The following DIAPH2 variants were observed in gnomAD, a reference collection of about 807,000 sequenced individuals.
DIAPH2 encodes the protein protein diaphanous homolog 2.
In DIAPH2, 35 loss-of-function variants were observed where a neutral mutation model predicts 92.7. That is an observed-to-expected ratio of 0.38 (90% CI 0.29 to 0.50). The LOEUF (loss-of-function observed/expected upper bound fraction) is 0.50, where lower values mean the gene tolerates loss of function less well. DIAPH2 is among the 20% of genes least tolerant of loss of function. The pLI is 0.94. For synonymous variants in DIAPH2, 301 were observed against 280.4 expected (o/e 1.07, Z -0.73); for missense variants, 701 against 819.5 (o/e 0.86, Z 1.77).
intron 26 of DIAPH2, among the ~76,000 whole-genome samples, chrX:97,590,580 A>G (rs1330868320): frequency 8.9e-6 from 1 of 112,364 alleles, no homozygotes; most frequent in Admixed American, 9.4e-5. Context: ...TATGCCACAC[A>G]TGGAGTAGAA....
chrX:97,570,137 G>A (rs6615916), intron 26 of DIAPH2, among the ~76,000 whole-genome samples: 44 of 41,278 alleles, frequency 1.1e-3, no homozygotes, highest in East Asian at 6.5e-3. Context: ...AAGATAGATA[G>A]ATAGATAGAT....
chrX:96,762,621 G>A (rs2064276063), intron 4 of DIAPH2, among the ~76,000 whole-genome samples: 1 of 109,688 alleles, frequency 9.1e-6, no homozygotes, highest in South Asian at 3.8e-4. Flanking sequence ...TACCTTAATA[G>A]TATACCTGCC....
chrX:96,819,955 T>G lies in DIAPH2; in HGVS notation c.448-61624T>G, dbSNP rs770977166. On this transcript the variant is annotated intron_variant, in intron 4 of 26. Coordinates refer to ENST00000324765, the MANE Select transcript of DIAPH2 (RefSeq NM_006729.5). Reference sequence around the variant, plus strand: ...CTCAAATTCCAATTCATTAAACTCTTAATTTTTGAGATCATTAAAAGAAAA... The same window carrying G: ...CTCAAATTCCAATTCATTAAACTCTGAATTTTTGAGATCATTAAAAGAAAA... 2.7e-5 allele frequency among the ~76,000 whole-genome samples: 3 copies of G among 111,838 alleles called. No individual in the cohort carries two copies. In the East Asian group the frequency reaches 8.4e-4, roughly 31 times the overall value.
At chrX:97,142,693 G>A (rs2067216197) in intron 22 of DIAPH2, among the ~76,000 whole-genome samples, 1 of 111,789 alleles carries the variant, frequency 8.9e-6, no homozygotes, top group Non-Finnish European at 1.9e-5. Context: ...AGAAGATTAA[G>A]GAAACATTTG....
At chrX:96,856,812 G>A (rs1211332466) in intron 4 of DIAPH2, among the ~76,000 whole-genome samples, 3 of 110,333 alleles carry the variant, frequency 2.7e-5, no homozygotes, top group Non-Finnish European at 5.7e-5. Context: ...CGAGGTGGGC[G>A]GATCACTTGA....
chrX:97,413,706 A>T (rs955174079), intron 25 of DIAPH2, among the ~76,000 whole-genome samples: 3 of 112,436 alleles, frequency 2.7e-5, no homozygotes, highest in Non-Finnish European at 5.6e-5. Context: ...GCAAAGTTTC[A>T]GGATAGAAAA....
chrX:96,784,814 C>G (rs1412760764), intron 4 of DIAPH2, among the ~76,000 whole-genome samples: 1 of 111,911 alleles, frequency 8.9e-6, no homozygotes, highest in Admixed American at 9.5e-5. Flanking sequence ...AGTAAATCAT[C>G]AATGCAGAGT....
rs191029572 is a variant in DIAPH2, at chrX:96,974,078, A to G, written c.2050+8871A>G. Among the ~76,000 whole-genome samples, 4 of 111,596 alleles carry G rather than the reference A, an allele frequency of 3.6e-5. No individual in the cohort carries two copies. In the East Asian group the frequency reaches 1.1e-3, roughly 31 times the overall value. ...TAAGGGATGACTATACTCTTTCTTT[A>G]GGTTTCCATTTGTTAAGTTGGAATG... On this transcript the variant is annotated intron_variant, in intron 17 of 26. Coordinates refer to ENST00000324765, the MANE Select transcript of DIAPH2 (RefSeq NM_006729.5).
At chrX:96,949,248 G>A (rs1049561166) in intron 15 of DIAPH2, among the ~76,000 whole-genome samples, 2 of 110,898 alleles carry the variant, frequency 1.8e-5, no homozygotes, top group Non-Finnish European at 3.8e-5. Context: ...TGCTCAAATG[G>A]CCCTGAATAT....
chrX:97,147,122 G>A (rs1267547754), intron 22 of DIAPH2, among the ~76,000 whole-genome samples: 2 of 111,363 alleles, frequency 1.8e-5, no homozygotes, highest in East Asian at 5.6e-4. Context: ...GTCATAGGCC[G>A]TATGAAGTTC....
intron 4 of DIAPH2, among the ~76,000 whole-genome samples, chrX:96,811,667 T>C (rs1157539390): frequency 4.5e-5 from 5 of 111,813 alleles, no homozygotes; most frequent in Non-Finnish European, 7.5e-5. Context: ...TTCTCATAAA[T>C]AGCTCTTATG....
chrX:96,999,501 A>G (rs940234792), intron 17 of DIAPH2, among the ~76,000 whole-genome samples: 2 of 50,951 alleles, frequency 3.9e-5, no homozygotes, highest in African/African-American at 1.0e-4. Context: ...ACTGTCTCAA[A>G]AAAAAAAAAA....
At chrX:97,228,348 C>A (rs1057251723) in intron 22 of DIAPH2, among the ~76,000 whole-genome samples, 21 of 111,794 alleles carry the variant, frequency 1.9e-4, no homozygotes, top group Middle Eastern at 4.6e-3. Flanking sequence ...ATCCTAAAAT[C>A]ATTGGGGTCA....
Position 96,937,283 on chromosome X carries a change from T to G in DIAPH2, c.1140T>G (p.Phe380Leu). The change falls in exon 11 of 27, where the codon TTT becomes TTG. Residue 380 changes from phenylalanine (F) to leucine (L), a missense_variant. By Grantham distance (22) the Phe-to-Leu change is conservative. Coordinates refer to ENST00000324765, the MANE Select transcript of DIAPH2 (RefSeq NM_006729.5). ...AGCTTGATATTCAGTTGAAAGTATT[T>G]GATGAAAACAAAGAAGATGACCTAA... ...NDELDIQLKV[F>L]DENKEDDLTE... The G allele has an allele frequency of 8.5e-7, 1 of 1,170,242 alleles. No individual in the cohort carries two copies. Among genetic ancestry groups the G allele is most frequent in the Non-Finnish European group, 1.2e-6 (1 of 867,262 alleles).
intron 19 of DIAPH2, among the ~76,000 whole-genome samples, chrX:97,097,685 T>G (rs1483939001): frequency 2.7e-5 from 3 of 112,070 alleles, no homozygotes; most frequent in Non-Finnish European, 3.8e-5. Flanking sequence ...ATTTTGATTA[T>G]CTTAATCTTT....
At chrX:97,500,640 T>C (rs1457097813) in intron 26 of DIAPH2, among the ~76,000 whole-genome samples, 10 of 107,959 alleles carry the variant, frequency 9.3e-5, no homozygotes, top group Non-Finnish European at 1.5e-4. Flanking sequence ...AGAACATTTC[T>C]ATCTATTATT....
chrX:97,504,757 A>G (rs182588945), intron 26 of DIAPH2, among the ~76,000 whole-genome samples: 19 of 112,462 alleles, frequency 1.7e-4, no homozygotes, highest in Admixed American at 2.8e-4. Context: ...GGAGAAATCC[A>G]AACTTAATGC....
chrX:97,132,922 T>A (rs1417990276), intron 21 of DIAPH2, among the ~76,000 whole-genome samples: 3 of 111,409 alleles, frequency 2.7e-5, no homozygotes, highest in African/African-American at 9.8e-5. Flanking sequence ...CAATTTTTTT[T>A]TTTCCTGAGT....
chrX:96,833,427 A>C (rs993829269), intron 4 of DIAPH2, among the ~76,000 whole-genome samples: 4 of 111,495 alleles, frequency 3.6e-5, no homozygotes, highest in Admixed American at 9.6e-5. Flanking sequence ...TATTTTAAAT[A>C]TGTATTTTTA....
Sources: gnomAD v4.1 joint callset for allele counts (sites outside exome capture counted in the v4.1 genomes callset) on GRCh38, gnomAD v4.1.1 for gene constraint, MANE v1.5 for transcripts, NCBI Gene and HGNC (gene_info 2026-07-23, HGNC 2026-07-21) for gene names.